TES: variants seen among roughly 807,000 people sequenced by gnomAD.
The protein encoded by TES is testin.
In TES, 41 loss-of-function variants were observed where a neutral mutation model predicts 48.2. The observed-to-expected ratio is 0.85, with a 90% CI of 0.66 to 1.10. The LOEUF (loss-of-function observed/expected upper bound fraction) is 1.10. Among genes scored for constraint, TES ranks in the 50% least tolerant of loss-of-function variants. TES has a pLI of 0.00. For missense variants in TES, 463 were observed against 515.1 expected, an observed-to-expected ratio of 0.90 and a Z score of 0.98; for synonymous variants, 162 against 174.9, an observed-to-expected ratio of 0.93 and a Z score of 0.58.
chr7:116,242,258 T>C (rs185335128), intron 2 of TES, among the ~76,000 whole-genome samples: 4 of 152,288 alleles, frequency 2.6e-5, no homozygotes, highest in Admixed American at 2.6e-4. Flanking sequence ...AATTTTAAAC[T>C]TGAACCAAAA....
Position 116,258,260 on chromosome 7 carries a change from C to T in TES, c.*778C>T, listed in dbSNP as rs1309263265. The T allele has an allele frequency of 6.6e-6, 1 of 151,982 alleles. No individual in the cohort carries two copies. The highest frequency in any genetic ancestry group is 1.5e-5 in the Non-Finnish European group (1 of 68,010). 9.4% of individuals were successfully genotyped at this position (151,982 alleles called of 1,614,324 possible). On this transcript the variant is annotated 3_prime_UTR_variant, in exon 7 of 7. Coordinates refer to ENST00000358204, the MANE Select transcript of TES (RefSeq NM_015641.4). ...AAATAGCTGGGATTACAGGTGCATG[C>T]CACCACACCCAGCTAATTTTTGTAT...
intron 1 of TES, among the ~76,000 whole-genome samples, chr7:116,223,432 C>T (rs1420502463): frequency 6.6e-6 from 1 of 151,996 alleles, no homozygotes; most frequent in Non-Finnish European, 1.5e-5. Context: ...AATTTTTATT[C>T]TGTGTTCTTT....
At chr7:116,211,589 A>C (rs1799439802) in intron 1 of TES, 1 of 152,256 alleles carries the variant, frequency 6.6e-6, no homozygotes, top group African/African-American at 2.4e-5. Context: ...CCTGTGCGAA[A>C]GTTCTCCTCG....
At chr7:116,248,735 T>C (rs575713846) in intron 2 of TES, among the ~76,000 whole-genome samples, 2 of 152,310 alleles carry the variant, frequency 1.3e-5, no homozygotes, top group African/African-American at 4.8e-5. Flanking sequence ...GGTTGTCTGT[T>C]TGTCCTGTTG....
At chr7:116,255,823 A>G (rs1800090747) in intron 6 of TES, among the ~76,000 whole-genome samples, 1 of 152,226 alleles carries the variant, frequency 6.6e-6, no homozygotes, top group South Asian at 2.1e-4. Flanking sequence ...CCCTGATTTG[A>G]TCACTACACT....
intron 2 of TES, among the ~76,000 whole-genome samples, chr7:116,242,072 A>G (rs1277598573): frequency 6.6e-6 from 1 of 152,178 alleles, no homozygotes; most frequent in Non-Finnish European, 1.5e-5. Flanking sequence ...ACTGGTGTAG[A>G]ACATAGATTG....
intron 6 of TES, among the ~76,000 whole-genome samples, chr7:116,254,697 C>T (rs1336418817): frequency 1.3e-5 from 2 of 151,816 alleles, no homozygotes; most frequent in African/African-American, 4.8e-5. Flanking sequence ...GATCCTGCCA[C>T]TGCACCCCAA....
chr7:116,248,125 T>G (rs540436886), intron 2 of TES, among the ~76,000 whole-genome samples: 1 of 152,228 alleles, frequency 6.6e-6, no homozygotes, highest in South Asian at 2.1e-4. Flanking sequence ...GCTGCATTCA[T>G]TTTGCTTCAA....
intron 1 of TES, among the ~76,000 whole-genome samples, chr7:116,226,842 T>TG (rs1284142997): frequency 6.6e-6 from 1 of 152,100 alleles, no homozygotes; most frequent in Non-Finnish European, 1.5e-5. Context: ...GGTGACCAAG[T>TG]GGGTGGTGAC....
intron 2 of TES, among the ~76,000 whole-genome samples, chr7:116,245,144 G>T (rs1181878139): frequency 6.6e-6 from 1 of 152,176 alleles, no homozygotes; most frequent in Non-Finnish European, 1.5e-5. Context: ...TAACATCCGG[G>T]CACCTTGTTA....
chr7:116,216,504 C>T lies in TES; in HGVS notation c.27+5770C>T, dbSNP rs189728239. Among the ~76,000 whole-genome samples, 4 of 152,122 alleles carry T rather than the reference C, an allele frequency of 2.6e-5. No individual in the cohort carries two copies. In the East Asian group the frequency reaches 7.7e-4, roughly 29 times the overall value. On this transcript the variant is annotated intron_variant, in intron 1 of 6. Transcript: ENST00000358204. The stretch of plus-strand genomic sequence containing the variant: ...GATGATTTCTGAGGTTTCTCCAAGT[C>T]CTGTGACTCTTTGATCGTGGGAAAT...
intron 1 of TES, among the ~76,000 whole-genome samples, chr7:116,220,791 G>A (rs1782820665): frequency 6.6e-6 from 1 of 152,148 alleles, no homozygotes; most frequent in South Asian, 2.1e-4. Context: ...AAGCTACTTA[G>A]CCCTGTAAAC....
chr7:116,221,922 A>T (rs996858979), intron 1 of TES, among the ~76,000 whole-genome samples: 1 of 152,186 alleles, frequency 6.6e-6, no homozygotes, highest in African/African-American at 2.4e-5. Context: ...ATTTTAAATG[A>T]TGTCTGTGCA....
Position 116,210,577 on chromosome 7 carries a change from GGC to G in TES, c.-129_-128del. ...GGGCGGCGGAAGTTCGACGGCGCCG[GGC>G]GAGTGGCTGTTGAGCGGCGCCGCGG... On this transcript the variant is annotated 5_prime_UTR_variant, in exon 1 of 7. Coordinates refer to ENST00000358204, the MANE Select transcript of TES (RefSeq NM_015641.4). 9.7e-7 allele frequency: 1 copy of G among 1,036,194 alleles called. No homozygotes were observed. The highest frequency in any genetic ancestry group is 1.3e-6 in the Non-Finnish European group (1 of 794,822). 64.2% of individuals were successfully genotyped at this position (1,036,194 alleles called of 1,614,324 possible). A position where few individuals can be genotyped will look rare whatever the true frequency, so the allele number is the denominator to read the frequency against.
chr7:116,225,642 A>G (rs527601281), intron 1 of TES, among the ~76,000 whole-genome samples: 2 of 152,328 alleles, frequency 1.3e-5, no homozygotes, highest in South Asian at 4.1e-4. Flanking sequence ...CTGGCTTTAT[A>G]CATCTAAGCT....
rs3807966 is a variant in TES at position 116,222,920 on chromosome 7, A to G, written c.28-11614A>G. The G allele has an allele frequency of 1.6e-4, 153 of 949,600 alleles. 1 individual carries two copies. The East Asian group carries it at 0.016, about 98-fold the overall frequency. 58.8% of individuals were successfully genotyped at this position (949,600 alleles called of 1,614,324 possible). ...GCAATTTCAGCTGCAGTCATTGCTT[A>G]TTATAATAATTGTGACATTTTTATA... is the stretch of plus-strand genomic sequence containing the variant. On this transcript the variant is annotated intron_variant, in intron 1 of 6. Coordinates refer to ENST00000358204, the MANE Select transcript of TES (RefSeq NM_015641.4).
intron 1 of TES, among the ~76,000 whole-genome samples, chr7:116,226,466 C>T (rs961953835): frequency 3.9e-5 from 6 of 152,192 alleles, no homozygotes; most frequent in South Asian, 4.2e-4. Context: ...TGAAAAGCTC[C>T]GCTTAAAACA....
chr7:116,256,593 G>C (rs1487218883), intron 6 of TES, among the ~76,000 whole-genome samples: 1 of 152,120 alleles, frequency 6.6e-6, no homozygotes, highest in Non-Finnish European at 1.5e-5. Context: ...ATTTTGTGGT[G>C]TAAATGTATG....
At chr7:116,225,694 GTAAA>G (rs1456314212) in intron 1 of TES, among the ~76,000 whole-genome samples, 1 of 152,202 alleles carries the variant, frequency 6.6e-6, no homozygotes, top group Non-Finnish European at 1.5e-5. Context: ...AGAATCTGCA[GTAAA>G]TAGTTTTATT....
Sources: allele counts gnomAD v4.1 joint callset (sites outside exome capture counted in the v4.1 genomes callset), GRCh38; gene constraint gnomAD v4.1.1; transcripts MANE v1.5; gene names NCBI Gene and HGNC (gene_info 2026-07-23, HGNC 2026-07-21).